TRHDE: variants seen among roughly 807,000 people sequenced by gnomAD.
TRHDE encodes thyrotropin releasing hormone degrading enzyme.
A neutral mutation model predicts 125.7 loss-of-function variants in TRHDE; 72 were observed. That is an observed-to-expected ratio of 0.57 (90% confidence interval 0.47 to 0.70). TRHDE has a LOEUF of 0.70. Ranked by LOEUF, TRHDE falls within the 30% of genes least tolerant of loss-of-function variation. The pLI, the probability that TRHDE is intolerant of heterozygous loss-of-function variation, is 0.00. For synonymous variants in TRHDE, 509 were observed against 509.1 expected, an observed-to-expected ratio of 1.00 and a Z score of 0.00; for missense variants, 1,110 against 1,327.1, an observed-to-expected ratio of 0.84 and a Z score of 2.54.
upstream of TRHDE, among the ~76,000 whole-genome samples, chr12:72,268,216 C>T (rs960876503): frequency 9.2e-5 from 14 of 152,068 alleles, no homozygotes; most frequent in Non-Finnish European, 1.9e-4. Context: ...CCCTCTCATA[C>T]GATACATCAG....
chr12:72,105,199 A>C (rs1365262618), intron 1 of TRHDE, among the ~76,000 whole-genome samples: 2 of 152,150 alleles, frequency 1.3e-5, no homozygotes, highest in African/African-American at 2.4e-5. Flanking sequence ...ACATGGTTAA[A>C]ATTCTGGGTG....
chr12:72,380,885 T>TCTTCCTTCCTTCCTTCCTTCCTTC (rs202006141), intron 3 of TRHDE, among the ~76,000 whole-genome samples: 27 of 146,746 alleles, frequency 1.8e-4, no homozygotes, highest in African/African-American at 6.1e-4. Context: ...CTTCTTTCTT[T>TCTTCCTTCCTTCCTTCCTTCCTTC]CTTCCTTCCT....
chr12:72,619,850 G>T (rs574194181), intron 13 of TRHDE, among the ~76,000 whole-genome samples: 13 of 152,124 alleles, frequency 8.5e-5, no homozygotes, highest in Middle Eastern at 3.4e-3. Flanking sequence ...ACACATTTGG[G>T]ATTACTGAAA....
At chr12:72,168,179 T>G (rs7959953) in intron 2 of TRHDE, among the ~76,000 whole-genome samples, 5,354 of 152,262 alleles carry the variant, frequency 0.035, 174 homozygotes, top group African/African-American at 0.082. Context: ...AAAATAGGTT[T>G]TATGTAGATA....
Position 72,554,071 on chromosome 12 carries a change from C to A in TRHDE, c.1789-8094C>A, listed in dbSNP as rs575241805. Among the ~76,000 whole-genome samples the A allele has an allele frequency of 5.3e-5, 8 of 152,116 alleles. No homozygotes were observed. The South Asian group carries it at 1.7e-3, about 32-fold the overall frequency. On this transcript the variant is annotated intron_variant, in intron 7 of 18. Transcript: ENST00000261180. The stretch of plus-strand genomic sequence containing the variant: ...CCACGTTGGCCAGGCTGGTCTCGAA[C>A]TCCTGACCTCAGGTGATTCATGCGC...
Position 72,480,276 on chromosome 12 carries a change from C to A in TRHDE, c.1584+7096C>A, listed in dbSNP as rs1392648819. Among the ~76,000 whole-genome samples the A allele has an allele frequency of 2.0e-5, 3 of 150,506 alleles. No individual in the cohort carries two copies. The East Asian group carries it at 5.9e-4, about 29-fold the overall frequency. On this transcript the variant is annotated intron_variant, in intron 5 of 18. Coordinates refer to ENST00000261180, the MANE Select transcript of TRHDE (RefSeq NM_013381.3). ...ATGGTTGAACTAGTTTACAGTCCCA[C>A]CAACAGTGTAAAAGTGTTCCTATTT... is the stretch of plus-strand genomic sequence containing the variant.
intron 4 of TRHDE, among the ~76,000 whole-genome samples, chr12:72,472,802 C>G (rs1345553886): frequency 6.6e-6 from 1 of 152,078 alleles, no homozygotes; most frequent in Non-Finnish European, 1.5e-5. Context: ...TCTCCTGAGC[C>G]CTTTCTTCTC....
At chr12:72,373,933 G>A (rs983194143) in intron 2 of TRHDE, among the ~76,000 whole-genome samples, 1 of 152,134 alleles carries the variant, frequency 6.6e-6, no homozygotes, top group Non-Finnish European at 1.5e-5. Flanking sequence ...AGCCACTGAA[G>A]GAGGAAAACC....
At chr12:72,205,933 T>C (rs901888291) in intron 2 of TRHDE, among the ~76,000 whole-genome samples, 3 of 152,172 alleles carry the variant, frequency 2.0e-5, no homozygotes, top group African/African-American at 7.2e-5. Context: ...TCCATGCTGT[T>C]TTCCACAGTA....
At chr12:72,265,073 T>G (rs377565596) in intron 2 of TRHDE, among the ~76,000 whole-genome samples, 6 of 151,800 alleles carry the variant, frequency 4.0e-5, no homozygotes, top group African/African-American at 1.4e-4. Flanking sequence ...TAAACTCTGT[T>G]TCTCTTTTAT....
At chr12:72,597,727 A>ATG (rs1565804735) in intron 12 of TRHDE, among the ~76,000 whole-genome samples, 3 of 6,998 alleles carry the variant, frequency 4.3e-4, no homozygotes, top group Non-Finnish European at 9.2e-4. Context: ...ATATATATAT[A>ATG]TATATATATA....
At chr12:72,155,273 G>A (rs1027119437) in intron 2 of TRHDE, among the ~76,000 whole-genome samples, 7 of 152,160 alleles carry the variant, frequency 4.6e-5, no homozygotes, top group African/African-American at 1.7e-4. Context: ...CTCTGCATTG[G>A]TTATTCTAGT....
At chr12:72,450,453 C>A (rs1347849501) in intron 3 of TRHDE, among the ~76,000 whole-genome samples, 1 of 152,064 alleles carries the variant, frequency 6.6e-6, no homozygotes, top group Non-Finnish European at 1.5e-5. Flanking sequence ...ACATGTACAA[C>A]ATGATGTTTT....
chr12:72,165,809 G>T (rs967415026), intron 2 of TRHDE, among the ~76,000 whole-genome samples: 17 of 151,858 alleles, frequency 1.1e-4, no homozygotes, highest in African/African-American at 3.4e-4. Context: ...TGAATAGCTG[G>T]GACTACAGGC....
chr12:72,443,887 A>C (rs891913761), intron 3 of TRHDE, among the ~76,000 whole-genome samples: 7 of 151,814 alleles, frequency 4.6e-5, no homozygotes, highest in African/African-American at 1.7e-4. Flanking sequence ...ATTTACTCAA[A>C]TATTCCATAG....
intron 3 of TRHDE, among the ~76,000 whole-genome samples, chr12:72,393,900 A>C (rs533363668): frequency 1.2e-4 from 18 of 152,300 alleles, no homozygotes; most frequent in African/African-American, 3.6e-4. Context: ...TAGTGGACTC[A>C]TGGTTAATAT....
At chr12:72,114,569 A>G (rs575339251) in intron 2 of TRHDE, among the ~76,000 whole-genome samples, 1 of 152,284 alleles carries the variant, frequency 6.6e-6, no homozygotes, top group African/African-American at 2.4e-5. Context: ...CGCATTGAGT[A>G]GGTGGAGGAG....
intron 15 of TRHDE, among the ~76,000 whole-genome samples, chr12:72,648,721 A>C (rs1474934608): frequency 6.6e-6 from 1 of 152,030 alleles, no homozygotes; most frequent in Non-Finnish European, 1.5e-5. Flanking sequence ...CCAAGGTGGG[A>C]GGATCACTTG....
intron 2 of TRHDE, among the ~76,000 whole-genome samples, chr12:72,326,974 C>T (rs1329288067): frequency 6.6e-6 from 1 of 152,116 alleles, no homozygotes; most frequent in African/African-American, 2.4e-5. Flanking sequence ...ACAAGCTCTA[C>T]AGTTCTTTGA....
Sources: gnomAD v4.1 joint callset for allele counts (sites outside exome capture counted in the v4.1 genomes callset) on GRCh38, gnomAD v4.1.1 for gene constraint, MANE v1.5 for transcripts, NCBI Gene and HGNC (gene_info 2026-07-23, HGNC 2026-07-21) for gene names.